Variants in NTRK3 observed in about 807,000 individuals in gnomAD.
The protein encoded by NTRK3 is NT-3 growth factor receptor.
In NTRK3, 24 loss-of-function variants were observed where a neutral mutation model predicts 91.7. The ratio of observed to expected loss-of-function variants is 0.26; its 90% CI spans 0.19 to 0.37. The LOEUF (loss-of-function observed/expected upper bound fraction) is 0.37, where lower values mean the gene tolerates loss of function less well. Ranked by LOEUF, NTRK3 falls within the 10% of genes least tolerant of loss-of-function variation. NTRK3 has a pLI of 1.00. For missense variants in NTRK3, 880 were observed against 1,068.9 expected, an observed-to-expected ratio of 0.82 and a Z score of 2.46; for synonymous variants, 483 against 404.0, an observed-to-expected ratio of 1.20 and a Z score of -2.34.
chr15:87,922,874 T>C (rs1007534), intron 17 of NTRK3, among the ~76,000 whole-genome samples: 81,333 of 151,976 alleles, frequency 0.54, 23,611 homozygotes, highest in African/African-American at 0.78. Flanking sequence ...GTTTCTTTCC[T>C]CCACCCAATT....
At chr15:88,230,002 A>G (rs2051035086) in intron 3 of NTRK3, among the ~76,000 whole-genome samples, 1 of 152,198 alleles carries the variant, frequency 6.6e-6, no homozygotes, top group Admixed American at 6.5e-5. Context: ...CAGAGAGACC[A>G]TAGACTGTCA....
At chr15:87,973,546 A>C (rs546337519) in intron 14 of NTRK3, among the ~76,000 whole-genome samples, 2 of 152,286 alleles carry the variant, frequency 1.3e-5, no homozygotes, top group South Asian at 2.1e-4. Context: ...GGGTGGTAAC[A>C]GTAGGATTTC....
rs527945450 is a variant in NTRK3 at position 87,916,428 on chromosome 15, G to A, written c.2133+12763C>T. ...GAATGACTCAACACCAGATTCAATGGTCTCCTTCAGCCTTTTCCTCTCCTT... is the reference window on the plus strand; with the variant it reads ...GAATGACTCAACACCAGATTCAATGATCTCCTTCAGCCTTTTCCTCTCCTT... On this transcript the variant is annotated intron_variant, in intron 17 of 18. Coordinates refer to ENST00000394480, the Ensembl canonical transcript of NTRK3. 1.3e-3 allele frequency: 900 copies of A among 684,344 alleles called. 3 individuals are homozygous for A. The highest frequency in any genetic ancestry group is 1.6e-3 in the Non-Finnish European group (609 of 375,828). The allele number at this position is 684,344 out of a possible 1,614,324, so 42.4% of individuals were successfully genotyped here. A position where few individuals can be genotyped will look rare whatever the true frequency, so the allele number is the denominator to read the frequency against.
rs76002938 is a variant in NTRK3 at position 87,953,723 on chromosome 15, T to A, written c.1586-12970A>T. On this transcript the variant is annotated intron_variant, in intron 14 of 18. Transcript: ENST00000394480. The stretch of plus-strand genomic sequence containing the variant: ...AGCCCCAAAAGGAGCCATCCTTCTA[T>A]GCTCTGCAGAAGGACCCCAACTCCC... 5.3e-3 allele frequency among the ~76,000 whole-genome samples: 803 copies of A among 152,276 alleles called. 5 individuals carry two copies. Among genetic ancestry groups the A allele is most frequent in the African/African-American group, 0.018 (766 of 41,542 alleles).
intron 17 of NTRK3, among the ~76,000 whole-genome samples, chr15:87,914,106 C>G (rs1292776731): frequency 6.6e-6 from 1 of 152,210 alleles, no homozygotes; most frequent in East Asian, 1.9e-4. Flanking sequence ...TTTGACTCTT[C>G]TAACATCCTT....
At chr15:87,928,823 A>G (rs973412916) in intron 17 of NTRK3, 9 of 416,342 alleles carry the variant, frequency 2.2e-5, no homozygotes, top group African/African-American at 1.8e-4. Flanking sequence ...GGGTAGGGAG[A>G]CATTAAATGT....
intron 6 of NTRK3, among the ~76,000 whole-genome samples, chr15:88,146,320 A>C (rs1033492549): frequency 2.0e-5 from 3 of 152,190 alleles, no homozygotes; most frequent in African/African-American, 7.2e-5. Context: ...AGGGAAAACA[A>C]GTTGAAAGGC....
intron 5 of NTRK3, 50 bp downstream of exon 5, chr15:88,183,368 C>G (rs201395424): frequency 1.3e-6 from 2 of 1,591,384 alleles, no homozygotes; most frequent in African/African-American, 2.7e-5. Context: ...TTCACTGCCC[C>G]AAGAGTACCT....
At chr15:88,054,996 A>G (rs1284761310) in intron 13 of NTRK3, among the ~76,000 whole-genome samples, 1 of 152,082 alleles carries the variant, frequency 6.6e-6, no homozygotes, top group Non-Finnish European at 1.5e-5. Context: ...TGGGATTTCA[A>G]CTCCTATGTA....
intron 13 of NTRK3, among the ~76,000 whole-genome samples, chr15:88,067,602 A>T (rs1318063951): frequency 6.6e-6 from 1 of 152,174 alleles, no homozygotes; most frequent in Non-Finnish European, 1.5e-5. Context: ...AACTTGGGAA[A>T]ACCAAGAGGT....
chr15:88,101,707 G>A (rs1157949744), intron 13 of NTRK3, among the ~76,000 whole-genome samples: 1 of 152,202 alleles, frequency 6.6e-6, no homozygotes, highest in Non-Finnish European at 1.5e-5. Flanking sequence ...ATGAGTTCGT[G>A]TCCTTTGTAG....
chr15:88,030,123 C>T (rs1030437529), intron 14 of NTRK3, among the ~76,000 whole-genome samples: 15 of 152,198 alleles, frequency 9.9e-5, no homozygotes, highest in Admixed American at 5.2e-4. Flanking sequence ...CTGGAGTCAT[C>T]TCATGATTTT....
chr15:88,004,327 C>T (rs986081626), intron 14 of NTRK3, among the ~76,000 whole-genome samples: 1 of 152,078 alleles, frequency 6.6e-6, no homozygotes, highest in Non-Finnish European at 1.5e-5. Flanking sequence ...ATAGGAAGAG[C>T]CCAAGAGACT....
chr15:87,898,874 G>T (rs973176833), intron 17 of NTRK3, among the ~76,000 whole-genome samples: 1 of 149,556 alleles, frequency 6.7e-6, no homozygotes, highest in Non-Finnish European at 1.5e-5. Flanking sequence ...GTGGTGGCAC[G>T]CACCTGTAGT....
At chr15:87,970,067 G>T (rs1180725875) in intron 14 of NTRK3, among the ~76,000 whole-genome samples, 2 of 152,184 alleles carry the variant, frequency 1.3e-5, no homozygotes, top group Non-Finnish European at 2.9e-5. Context: ...TCCAGGCAGG[G>T]TCTTTTACAT....
At chr15:87,880,207 C>G (rs2065166995) in intron 18 of NTRK3, 63 bp downstream of exon 19, 3 of 1,606,628 alleles carry the variant, frequency 1.9e-6, no homozygotes, top group Middle Eastern at 1.9e-4. Context: ...GGTCCAAGTT[C>G]TGGGCTGAGA....
intron 14 of NTRK3, among the ~76,000 whole-genome samples, chr15:87,982,438 C>T (rs1567182711): frequency 6.6e-6 from 1 of 152,144 alleles, no homozygotes; most frequent in Admixed American, 6.5e-5. Context: ...CCACCAGGGG[C>T]CCACAGACCC....
intron 14 of NTRK3, among the ~76,000 whole-genome samples, chr15:87,982,065 A>T (rs1410780085): frequency 2.0e-5 from 3 of 152,180 alleles, no homozygotes; most frequent in Non-Finnish European, 2.9e-5. Flanking sequence ...TCCGTGTCGG[A>T]TCCATTAAAG....
At chr15:87,902,339 C>T (rs755414501) in intron 17 of NTRK3, among the ~76,000 whole-genome samples, 31 of 152,326 alleles carry the variant, frequency 2.0e-4, no homozygotes, top group Admixed American at 4.6e-4. Context: ...GCCTCCCTGA[C>T]GAGGACAAGC....
Sources: gnomAD v4.1 joint callset for allele counts (sites outside exome capture counted in the v4.1 genomes callset) on GRCh38, gnomAD v4.1.1 for gene constraint, MANE v1.5 for transcripts, NCBI Gene and HGNC (gene_info 2026-07-23, HGNC 2026-07-21) for gene names.